Variants in MYH13 observed in about 807,000 individuals in gnomAD.
MYH13 encodes myosin-13.
In MYH13, 177 loss-of-function variants were observed where a neutral mutation model predicts 232.1. That is an observed-to-expected ratio of 0.76 (90% CI 0.67 to 0.86). The LOEUF is 0.86. Among genes scored for constraint, MYH13 ranks in the 40% least tolerant of loss-of-function variants. The probability of loss-of-function intolerance (pLI) is 0.00; values close to 1 mark genes in which losing one functional copy is unlikely to be tolerated. For missense variants in MYH13, 2,246 were observed against 2,405.9 expected (o/e 0.93, Z 1.39); for synonymous variants, 884 against 923.5 (o/e 0.96, Z 0.78).
rs965277437 is a variant in MYH13, at chr17:10,304,978, G to C, written c.5467-1480C>G. On this transcript the variant is annotated intron_variant, in intron 37 of 40. Transcript: ENST00000252172. This position sits in a 1 kb window ranked among gnomAD's most constrained non-coding sequence, Gnocchi z 5.3. ...GGCTGCAGAGCAGGGCCAACTCTGG[G>C]CTTGGAGACTCACTAGATCAGCCTT... 2.0e-5 allele frequency among the ~76,000 whole-genome samples: 3 copies of C among 152,250 alleles called. No individual in the cohort carries two copies. The highest frequency in any genetic ancestry group is 1.3e-4 in the Admixed American group (2 of 15,304).
At chr17:10,322,050 T>C (rs1289118634) in intron 23 of MYH13, among the ~76,000 whole-genome samples, 1 of 152,116 alleles carries the variant, frequency 6.6e-6, no homozygotes, top group East Asian at 1.9e-4. Context: ...GTTGGCTGAA[T>C]AGGGTTTAGA....
chr17:10,319,058 G>A lies in MYH13; in HGVS notation c.3470C>T (p.Ala1157Val), dbSNP rs756467327. 1.9e-6 allele frequency: 3 copies of A among 1,614,132 alleles called. No homozygotes were observed. In the South Asian group the frequency reaches 3.3e-5, roughly 18 times the overall value. ...AATCTGGGCTGAAGTGGCCCCACTG[G>A]CTTCTTCCAGCCTCTCGCTGATCTC... ...LEEISERLEE[A>V]SGATSAQIEM... Residue 1157 changes from alanine (A) to valine (V), a missense_variant, in exon 27 of 41, where the codon GCC (alanine) becomes GTC (valine). Transcript: ENST00000252172.
chr17:10,364,409 G>A lies in MYH13; in HGVS notation c.122C>T (p.Ala41Val), dbSNP rs200562850. The A allele has an allele frequency of 2.5e-6, 4 of 1,613,572 alleles. No individual in the cohort carries two copies. The highest frequency in any genetic ancestry group is 2.7e-5 in the African/African-American group (2 of 74,952). The change falls in exon 3 of 41, where the codon GCG becomes GTG. Residue 41 changes from alanine to valine, a missense_variant. Transcript: ENST00000252172. Reference sequence around the variant, plus strand: ...TTTCACATACATTTCCTTATTATCCGCTACAAAGCAGGCTTTCTTGGAATC... The same window carrying A: ...TTTCACATACATTTCCTTATTATCCACTACAAAGCAGGCTTTCTTGGAATC... ...PFDSKKACFV[A>V]DNKEMYVKGM...
At position 10,327,916 on chromosome 17, in the gene MYH13, T is replaced by A; in HGVS notation, c.2641A>T (p.Met881Leu). Reference protein sequence around the residue: ...EARRKELEEKMVSLLQEKNDL... With the variant: ...EARRKELEEKLVSLLQEKNDL... ...TTCTTCTCCTGCAGGAGGGAGACCATTTTCTCCTCCAGCTCCTTCCGGCGA... is the reference window on the plus strand; with the variant it reads ...TTCTTCTCCTGCAGGAGGGAGACCAATTTCTCCTCCAGCTCCTTCCGGCGA... Residue 881 changes from methionine (M) to leucine (L), a missense_variant, in exon 22 of 41, where the codon ATG (methionine) becomes TTG (leucine). Met to Leu is a conservative substitution (Grantham distance 15). Coordinates refer to ENST00000252172, the MANE Select transcript of MYH13 (RefSeq NM_003802.3). 6.2e-7 allele frequency: 1 copy of A among 1,613,830 alleles called. No homozygotes were observed. Among genetic ancestry groups the A allele is most frequent in the Non-Finnish European group, 8.5e-7 (1 of 1,179,890 alleles).
rs901211097 is a variant in MYH13, at chr17:10,368,669, G to A, written c.-13+2540C>T. On this transcript the variant is annotated intron_variant, in intron 2 of 40. Coordinates refer to ENST00000252172, the MANE Select transcript of MYH13 (RefSeq NM_003802.3). ...TTGCATCACTCATGCAGTGAAAATGGCAAATAACAGCTGGGTATTATTGTG... is the reference window on the plus strand; with the variant it reads ...TTGCATCACTCATGCAGTGAAAATGACAAATAACAGCTGGGTATTATTGTG... Among the ~76,000 whole-genome samples, 6 of 152,304 alleles carry A rather than the reference G, an allele frequency of 3.9e-5. No homozygotes were observed. In the South Asian group the frequency reaches 1.0e-3, roughly 26 times the overall value.
At chr17:10,346,005 A>AC (rs1329973928) in intron 13 of MYH13, among the ~76,000 whole-genome samples, 2 of 142,184 alleles carry the variant, frequency 1.4e-5, no homozygotes, top group African/African-American at 5.3e-5. Flanking sequence ...AAAAAAAAAA[A>AC]AAAAAAAACA....
intron 37 of MYH13, among the ~76,000 whole-genome samples, chr17:10,305,644 G>A (rs902864657): frequency 7.2e-5 from 11 of 151,914 alleles, no homozygotes; most frequent in Admixed American, 2.0e-4. Context: ...AGAGACATTC[G>A]AACAGCCTCC....
At chr17:10,359,827 A>G in intron 7 of MYH13, 133 bp downstream of exon 7, 1 of 744,940 alleles carries the variant, frequency 1.3e-6, no homozygotes, top group Non-Finnish European at 2.3e-6. Flanking sequence ...GTGTGAGGAT[A>G]CAGAGAGGAA....
intron 21 of MYH13, among the ~76,000 whole-genome samples, 165 bp downstream of exon 21, chr17:10,330,222 C>G (rs79079816): frequency 6.6e-6 from 1 of 152,056 alleles, no homozygotes. Flanking sequence ...GTCTCCCCAG[C>G]GCCATGCAGA....
Position 10,324,101 on chromosome 17 carries a change from G to A in MYH13, c.2855C>T (p.Ser952Phe), listed in dbSNP as rs750293503. The change falls in exon 23 of 41, where the codon TCC (serine) becomes TTC (phenylalanine). Residue 952 changes from serine (S) to phenylalanine (F), a missense_variant. Ser to Phe is a radical substitution (Grantham distance 155). Coordinates refer to ENST00000252172, the MANE Select transcript of MYH13 (RefSeq NM_003802.3). ...AKKRNLEDKC[S>F]SLKRDIDDLE... The stretch of plus-strand genomic sequence containing the variant: ...GTCATCAATGTCTCTCTTGAGAGAG[G>A]AGCATTTATCTTCCAGATTCCTCTT... 3.1e-6 allele frequency: 5 copies of A among 1,613,916 alleles called. No individual in the cohort carries two copies. Among genetic ancestry groups the A allele is most frequent in the East Asian group, 2.2e-5 (1 of 44,860 alleles).
intron 16 of MYH13, among the ~76,000 whole-genome samples, 200 bp from the exon 17 acceptor site, chr17:10,340,601 C>T (rs2071613516): frequency 6.6e-6 from 1 of 152,166 alleles, no homozygotes; most frequent in Non-Finnish European, 1.5e-5. Flanking sequence ...TCACTGCAAC[C>T]TCCACCTCCC....
intron 35 of MYH13, among the ~76,000 whole-genome samples, chr17:10,307,607 T>TA (rs967269812): frequency 7.2e-5 from 11 of 151,824 alleles, no homozygotes; most frequent in African/African-American, 1.7e-4. Flanking sequence ...TCATTAGCAA[T>TA]AAAAAAAATA....
chr17:10,323,778 AAAAAAAAAAAAGAAGAAGAAGAAGAAG>A, intron 23 of MYH13, among the ~76,000 whole-genome samples: 1 of 87,658 alleles, frequency 1.1e-5, no homozygotes, highest in Admixed American at 1.2e-4. Context: ...AAAAAAAAAA[AAAAAAAAAAAAGAAGAAGAAGAAGAAG>A]AAGAAGAAGA....
intron 27 of MYH13, among the ~76,000 whole-genome samples, chr17:10,316,776 T>G (rs1000498302): frequency 6.6e-6 from 1 of 152,344 alleles, no homozygotes; most frequent in South Asian, 2.1e-4. Flanking sequence ...GCCTGTATTT[T>G]TGTGAAGTTT....
At position 10,333,066 on chromosome 17, in the gene MYH13, G is replaced by A; in HGVS notation, c.2174+8C>T. 6.5e-7 allele frequency: 1 copy of A among 1,537,092 alleles called. No individual in the cohort carries two copies. Among genetic ancestry groups the A allele is most frequent in the East Asian group, 2.4e-5 (1 of 40,830 alleles). The stretch of plus-strand genomic sequence containing the variant: ...AGGAGAGAGATGCACAGGAGAGAGG[G>A]AACCTACCGCTGCTTGAAGTCAGCA... On this transcript the variant is annotated splice_region_variant and intron_variant, in intron 19 of 40. Coordinates refer to ENST00000252172, the MANE Select transcript of MYH13 (RefSeq NM_003802.3).
In MYH13 at chr17:10,318,851, C is replaced by T. The variant is rs1486690591; in HGVS notation, c.3677G>A (p.Ser1226Asn). The change falls in exon 27 of 41, where the codon AGC becomes AAC. Residue 1226 changes from serine to asparagine, a missense_variant. By Grantham distance (46) the Ser-to-Asn change is conservative. Coordinates refer to ENST00000252172, the MANE Select transcript of MYH13 (RefSeq NM_003802.3). ...GTCGTCAATCTCCATCTTCAGCTCGCTCTTCTCCTTCTCCAGCTTCTGCTT... is the reference window on the plus strand; with the variant it reads ...GTCGTCAATCTCCATCTTCAGCTCGTTCTTCTCCTTCTCCAGCTTCTGCTT... The part of the protein sequence containing the change: ...RVKQKLEKEK[S>N]ELKMEIDDMA... 16 of 1,614,026 alleles carry T rather than the reference C, an allele frequency of 9.9e-6. No individual in the cohort carries two copies. The highest frequency in any genetic ancestry group is 4.0e-5 in the African/African-American group (3 of 74,916).
rs192935256 is a variant in MYH13 at position 10,322,673 on chromosome 17, G to A, written c.2935-965C>T. Reference sequence around the variant, plus strand: ...TTTTGAGAGGGAGTCTCACTCTGTCGCCCAGGCTGGAGTGCAGTGGCGCAG... The same window carrying A: ...TTTTGAGAGGGAGTCTCACTCTGTCACCCAGGCTGGAGTGCAGTGGCGCAG... On this transcript the variant is annotated intron_variant, in intron 23 of 40. Coordinates refer to ENST00000252172, the MANE Select transcript of MYH13 (RefSeq NM_003802.3). 1.3e-3 allele frequency among the ~76,000 whole-genome samples: 163 copies of A among 123,906 alleles called. 2 individuals are homozygous for A. Among genetic ancestry groups the A allele is most frequent in the African/African-American group, 4.5e-3 (147 of 32,794 alleles). 81.3% of individuals were successfully genotyped at this position (123,906 alleles called of 152,430 possible). A position where few individuals can be genotyped will look rare whatever the true frequency, so the allele number is the denominator to read the frequency against.
At position 10,333,139 on chromosome 17, in the gene MYH13, G is replaced by A. The variant is rs1352266901; in HGVS notation, c.2109C>T (p.Leu703=). Residue 703 remains leucine, a synonymous_variant, in exon 19 of 41, where the codon CTC becomes CTT. Coordinates refer to ENST00000252172, the MANE Select transcript of MYH13 (RefSeq NM_003802.3). ...CCTTCCTGCAAATCCGGATGCCCTC[G>A]AGGACCCCGTTACAGCGCAGCTGGT... ...VMHQLRCNGV[L]EGIRICRKGF... is the part of the protein sequence containing the mutation. 6.4e-7 allele frequency: 1 copy of A among 1,551,876 alleles called. No homozygotes were observed. Among genetic ancestry groups the A allele is most frequent in the African/African-American group, 1.4e-5 (1 of 73,166 alleles).
intron 1 of MYH13, among the ~76,000 whole-genome samples, chr17:10,372,452 A>G (rs1434347022): frequency 1.3e-5 from 2 of 152,222 alleles, no homozygotes; most frequent in Non-Finnish European, 2.9e-5. Flanking sequence ...TCCCAAGTCC[A>G]TAAAATATGC....
Sources: allele counts gnomAD v4.1 joint callset (sites outside exome capture counted in the v4.1 genomes callset), GRCh38; gene constraint gnomAD v4.1.1; non-coding constraint Gnocchi (gnomAD v3.1); transcripts MANE v1.5; gene names NCBI Gene and HGNC (gene_info 2026-07-23, HGNC 2026-07-21).